The following LINGO2 variants were observed in gnomAD, a reference collection of about 807,000 sequenced individuals.
The protein encoded by LINGO2 is leucine-rich repeat and immunoglobulin-like domain-containing nogo receptor-interacting protein 2.
LINGO2 carries 14 observed loss-of-function variants against 30.6 expected under a neutral mutation model. The observed-to-expected ratio is 0.46, with a 90% CI of 0.30 to 0.72. The LOEUF is 0.72. Among genes scored for constraint, LINGO2 ranks in the 30% least tolerant of loss-of-function variants. The pLI is 0.07. For missense variants in LINGO2, 729 were observed against 751.7 expected, an observed-to-expected ratio of 0.97 and a Z score of 0.35; for synonymous variants, 317 against 288.5, an observed-to-expected ratio of 1.10 and a Z score of -1.00.
chr9:29,011,941 G>A, the LINGO2 span, among the ~76,000 whole-genome samples: 1 of 152,072 alleles, frequency 6.6e-6, no homozygotes, highest in Admixed American at 6.6e-5. Context: ...GAAAATCCGT[G>A]GGGAAAAGGA....
the LINGO2 span, among the ~76,000 whole-genome samples, chr9:28,680,829 G>A: frequency 6.6e-6 from 1 of 152,086 alleles, no homozygotes; most frequent in African/African-American, 2.4e-5. Context: ...TTGTTGTCCT[G>A]CTATTGAGTT....
chr9:28,755,510 C>A, the LINGO2 span, among the ~76,000 whole-genome samples: 3 of 152,048 alleles, frequency 2.0e-5, no homozygotes, highest in Non-Finnish European at 4.4e-5. Flanking sequence ...CTGGCTTTTA[C>A]AATTATGTTT....
chr9:29,142,156 C>G, the LINGO2 span, among the ~76,000 whole-genome samples: 1 of 151,706 alleles, frequency 6.6e-6, no homozygotes, highest in Non-Finnish European at 1.5e-5. Context: ...CATGTTAGGC[C>G]ACAAAGCAAA....
the LINGO2 span, among the ~76,000 whole-genome samples, chr9:29,109,075 T>C: frequency 2.0e-5 from 3 of 152,224 alleles, no homozygotes; most frequent in Non-Finnish European, 4.4e-5. Context: ...CATATTTATA[T>C]ATAAGCCATC....
At chr9:28,694,992 A>G in the LINGO2 span, among the ~76,000 whole-genome samples, 1 of 149,782 alleles carries the variant, frequency 6.7e-6, no homozygotes, top group Admixed American at 6.7e-5. Flanking sequence ...AATTTACTGT[A>G]GGTGAGTTGT....
the LINGO2 span, among the ~76,000 whole-genome samples, chr9:28,949,773 A>G: frequency 6.6e-6 from 1 of 152,190 alleles, no homozygotes; most frequent in African/African-American, 2.4e-5. Flanking sequence ...GGCTAGCATC[A>G]TCCTGATACC....
At chr9:28,090,962 C>A (rs1826064671) in intron 4 of LINGO2, among the ~76,000 whole-genome samples, 1 of 152,108 alleles carries the variant, frequency 6.6e-6, no homozygotes, top group African/African-American at 2.4e-5. Context: ...CTCCCATTCA[C>A]AATTGTTTCA....
chr9:28,873,324 C>G, the LINGO2 span, among the ~76,000 whole-genome samples: 3 of 145,692 alleles, frequency 2.1e-5, no homozygotes, highest in East Asian at 6.3e-4. Flanking sequence ...GAGCTGAGCT[C>G]ATGCCACTAC....
intron 3 of LINGO2, among the ~76,000 whole-genome samples, chr9:28,318,244 G>C (rs1824914634): frequency 6.6e-6 from 1 of 152,154 alleles, no homozygotes; most frequent in South Asian, 2.1e-4. Context: ...CTATAGAACT[G>C]AAATACATTG....
At chr9:28,185,302 A>C (rs1819502271) in intron 4 of LINGO2, among the ~76,000 whole-genome samples, 1 of 152,174 alleles carries the variant, frequency 6.6e-6, no homozygotes, top group Non-Finnish European at 1.5e-5. Context: ...AAGGTGTTTA[A>C]AGTGTCCTTA....
At chr9:29,142,387 C>T in the LINGO2 span, among the ~76,000 whole-genome samples, 3 of 151,510 alleles carry the variant, frequency 2.0e-5, no homozygotes, top group Non-Finnish European at 4.4e-5. Context: ...TTATGGGATG[C>T]AGAAAAACCA....
At chr9:28,626,826 TTGTG>T (rs370655363) in intron 1 of LINGO2, among the ~76,000 whole-genome samples, 3 of 150,506 alleles carry the variant, frequency 2.0e-5, no homozygotes, top group Non-Finnish European at 3.0e-5. Context: ...AAAAATTCTA[TTGTG>T]TGTGTGTGTG....
At chr9:28,427,906 C>T (rs1823480110) in intron 2 of LINGO2, among the ~76,000 whole-genome samples, 1 of 152,104 alleles carries the variant, frequency 6.6e-6, no homozygotes, top group South Asian at 2.1e-4. Flanking sequence ...AATAGGTCAA[C>T]CTCCCCTACT....
the LINGO2 span, among the ~76,000 whole-genome samples, chr9:28,782,376 T>G: frequency 2.0e-5 from 3 of 152,204 alleles, no homozygotes; most frequent in African/African-American, 7.2e-5. Context: ...GTGCATTACT[T>G]GATCATCTAC....
At chr9:28,753,039 G>A in the LINGO2 span, among the ~76,000 whole-genome samples, 5 of 152,058 alleles carry the variant, frequency 3.3e-5, no homozygotes, top group Non-Finnish European at 5.9e-5. Flanking sequence ...GCTGTCACCT[G>A]GAGATTTTTG....
At chr9:28,189,573 AAGGAAGGGAGGG>A (rs1564029123) in intron 4 of LINGO2, among the ~76,000 whole-genome samples, 7 of 17,486 alleles carry the variant, frequency 4.0e-4, no homozygotes, top group East Asian at 2.4e-3. Context: ...GGAAGGAAGG[AAGGAAGGGAGGG>A]AGGAAGGAAG....
At chr9:28,914,213 T>G in the LINGO2 span, among the ~76,000 whole-genome samples, 1 of 152,122 alleles carries the variant, frequency 6.6e-6, no homozygotes, top group Non-Finnish European at 1.5e-5. Context: ...TACAAACAGA[T>G]AGCATAAATG....
the LINGO2 span, among the ~76,000 whole-genome samples, chr9:28,764,395 A>T: frequency 6.6e-6 from 1 of 152,024 alleles, no homozygotes; most frequent in Non-Finnish European, 1.5e-5. Flanking sequence ...AGTACAAAAG[A>T]TTAAAACTAC....
chr9:28,833,982 C>A, the LINGO2 span, among the ~76,000 whole-genome samples: 1 of 151,306 alleles, frequency 6.6e-6, no homozygotes, highest in South Asian at 2.1e-4. Flanking sequence ...TTAGCCTGCA[C>A]AATTTGAAGC....
Sources: gnomAD v4.1 joint callset for allele counts (sites outside exome capture counted in the v4.1 genomes callset) on GRCh38, gnomAD v4.1.1 for gene constraint, MANE v1.5 for transcripts, NCBI Gene and HGNC (gene_info 2026-07-23, HGNC 2026-07-21) for gene names.